Variants in CUBN observed in about 807,000 individuals in gnomAD.
CUBN encodes the protein 460 kDa receptor.
Under a neutral mutation model 405.3 loss-of-function variants are expected in CUBN, and 282 were observed. The ratio of observed to expected loss-of-function variants is 0.70; its 90% CI spans 0.63 to 0.77. CUBN has a LOEUF of 0.77. Ranked by LOEUF, CUBN falls within the 30% of genes least tolerant of loss-of-function variation. The probability of loss-of-function intolerance (pLI) is 0.00; values close to 1 mark genes in which losing one functional copy is unlikely to be tolerated. For missense variants in CUBN, 4,514 were observed against 4,475.2 expected, an observed-to-expected ratio of 1.01 and a Z score of -0.25; for synonymous variants, 1,684 against 1,617.0, an observed-to-expected ratio of 1.04 and a Z score of -0.99.
At position 17,052,477 on chromosome 10, in the gene CUBN, C is replaced by T. The variant is rs139794792; in HGVS notation, c.3140-4874G>A. On this transcript the variant is annotated intron_variant, in intron 22 of 66. Coordinates refer to ENST00000377833, the MANE Select transcript of CUBN (RefSeq NM_001081.4). ...AATTTATAATATAGAGAGAAGTAGG[C>T]TGGGTGCGGTGGCTCATGCCTGCAA... is the stretch of plus-strand genomic sequence containing the variant. 1.1e-4 allele frequency among the ~76,000 whole-genome samples: 16 copies of T among 151,162 alleles called. No homozygotes were observed. The East Asian group carries it at 1.4e-3, about 13-fold the overall frequency.
rs181938537 is a variant in CUBN, at chr10:17,079,441, G to A, written c.2301+4830C>T. 2.0e-3 allele frequency among the ~76,000 whole-genome samples: 299 copies of A among 151,592 alleles called. 5 individuals carry two copies. Among genetic ancestry groups the A allele is most frequent in the African/African-American group, 6.8e-3 (282 of 41,354 alleles). On this transcript the variant is annotated intron_variant, in intron 17 of 66. Coordinates refer to ENST00000377833, the MANE Select transcript of CUBN (RefSeq NM_001081.4). Reference sequence around the variant, plus strand: ...TAGTAGAGATGGGGTTTCACACCACGTTGGCCAGGCTGGTCTCAAACTCCT... The same window carrying A: ...TAGTAGAGATGGGGTTTCACACCACATTGGCCAGGCTGGTCTCAAACTCCT...
chr10:17,088,359 GA>G lies in CUBN; in HGVS notation c.1766-15del. The stretch of plus-strand genomic sequence containing the variant: ...TACCTCCACACTCTAAAATAAGAGG[GA>G]AAAATAATGTTACATTTGTATAGAT... On this transcript the variant is annotated splice_polypyrimidine_tract_variant and intron_variant, in intron 14 of 66. Coordinates refer to ENST00000377833, the MANE Select transcript of CUBN (RefSeq NM_001081.4). 6.3e-7 allele frequency: 1 copy of G among 1,594,858 alleles called. No homozygotes were observed.
chr10:16,932,177 A>C (rs528996119), intron 40 of CUBN, among the ~76,000 whole-genome samples: 4 of 152,218 alleles, frequency 2.6e-5, no homozygotes, highest in Non-Finnish European at 5.9e-5. Context: ...CAGAAGGGAC[A>C]TAAAGCACCT....
chr10:16,985,231 C>T (rs765419745), intron 29 of CUBN, among the ~76,000 whole-genome samples: 9 of 152,184 alleles, frequency 5.9e-5, no homozygotes, highest in African/African-American at 9.7e-5. Context: ...CCAGGCTCCA[C>T]GAGCAGATGG....
chr10:16,962,202 A>C (rs1238662580), intron 31 of CUBN, among the ~76,000 whole-genome samples: 1 of 152,196 alleles, frequency 6.6e-6, no homozygotes, highest in East Asian at 1.9e-4. Flanking sequence ...CACAAGAATA[A>C]GTTAAAAGAT....
At position 16,954,423 on chromosome 10, in the gene CUBN, T is replaced by A. The variant is rs762702117; in HGVS notation, c.4821A>T (p.Arg1607Ser). ...ATTGAGCTCGGAAGCCTCTGTTCTG[T>A]CTGGAAGGGCCAGACTGAAATCTCA... ...LFLRFQSGPS[R>S]QNRGFRAQFR... The change falls in exon 32 of 67, where the codon AGA becomes AGT. Residue 1607 changes from arginine to serine, a missense_variant. By Grantham distance (110) the Arg-to-Ser change is moderately radical. Transcript: ENST00000377833. The A allele has an allele frequency of 5.0e-6, 8 of 1,614,038 alleles. No homozygotes were observed. The highest frequency in any genetic ancestry group is 4.0e-5 in the African/African-American group (3 of 74,898).
intron 27 of CUBN, among the ~76,000 whole-genome samples, chr10:17,039,617 T>C (rs1233773469): frequency 6.6e-6 from 1 of 152,184 alleles, no homozygotes; most frequent in Non-Finnish European, 1.5e-5. Context: ...TGGATGCCTA[T>C]TCTAGTAGTA....
chr10:17,025,713 C>T (rs1185640248), intron 27 of CUBN, among the ~76,000 whole-genome samples: 1 of 152,144 alleles, frequency 6.6e-6, no homozygotes, highest in East Asian at 1.9e-4. Flanking sequence ...CAGAAATCGT[C>T]ACTGGTAGGG....
chr10:17,072,137 A>T (rs1835754420), intron 17 of CUBN, among the ~76,000 whole-genome samples, 166 bp from the exon 18 acceptor site: 1 of 152,226 alleles, frequency 6.6e-6, no homozygotes, highest in Non-Finnish European at 1.5e-5. Flanking sequence ...TTTTAAGCAC[A>T]ATGCAATAAC....
chr10:16,838,645 T>TTTG (rs1002033021), intron 62 of CUBN, among the ~76,000 whole-genome samples: 3 of 152,102 alleles, frequency 2.0e-5, no homozygotes, highest in Admixed American at 6.6e-5. Flanking sequence ...CAAAATGGAT[T>TTTG]TTGTTGTTGT....
At chr10:16,841,874 C>T (rs1038214948) in intron 60 of CUBN, among the ~76,000 whole-genome samples, 2 of 139,388 alleles carry the variant, frequency 1.4e-5, no homozygotes, top group South Asian at 2.3e-4. Context: ...GATGGTGCCA[C>T]TACACTCCAG....
chr10:16,833,056 G>T (rs973270710), intron 64 of CUBN, among the ~76,000 whole-genome samples: 1 of 152,104 alleles, frequency 6.6e-6, no homozygotes, highest in South Asian at 2.1e-4. Context: ...CACTCTCCAC[G>T]GCTGGAAAGC....
At chr10:17,122,587 T>C in intron 6 of CUBN, 1 of 618,980 alleles carries the variant, frequency 1.6e-6, no homozygotes, top group South Asian at 1.5e-5. Context: ...CAAGGATTTC[T>C]TCACGGGGTG....
intron 43 of CUBN, 40 bp from the exon 44 acceptor site, chr10:16,920,177 A>G (rs750796524): frequency 2.5e-6 from 4 of 1,600,682 alleles, no homozygotes; most frequent in Non-Finnish European, 3.4e-6. Context: ...TGATCTGGTG[A>G]AGGGGATGCA....
At chr10:16,895,788 G>T (rs73592376) in intron 54 of CUBN, among the ~76,000 whole-genome samples, 27,609 of 152,016 alleles carry the variant, frequency 0.18, 3,773 homozygotes, top group African/African-American at 0.39. Context: ...TGGTTGAATT[G>T]GAAATCAGTT....
At chr10:16,973,940 C>T (rs1018478602) in intron 31 of CUBN, among the ~76,000 whole-genome samples, 3 of 152,082 alleles carry the variant, frequency 2.0e-5, no homozygotes, top group South Asian at 2.1e-4. Context: ...TGGACAGTGC[C>T]GCGATGAACA....
At chr10:17,106,728 G>A (rs1326850951) in intron 10 of CUBN, among the ~76,000 whole-genome samples, 1 of 152,092 alleles carries the variant, frequency 6.6e-6, no homozygotes, top group African/African-American at 2.4e-5. Context: ...AGCCCAGAGA[G>A]CAAGCACTCC....
intron 6 of CUBN, among the ~76,000 whole-genome samples, chr10:17,116,416 T>A (rs983007995): frequency 6.6e-6 from 1 of 152,170 alleles, no homozygotes; most frequent in African/African-American, 2.4e-5. Flanking sequence ...TATCCCCACA[T>A]GCCAGGGCAC....
chr10:17,082,893 G>A (rs972837999), intron 17 of CUBN, among the ~76,000 whole-genome samples: 6 of 152,138 alleles, frequency 3.9e-5, no homozygotes, highest in Non-Finnish European at 7.3e-5. Context: ...AGGATTCAAT[G>A]AAATAACTCA....
Sources: gnomAD v4.1 joint callset for allele counts (sites outside exome capture counted in the v4.1 genomes callset) on GRCh38, gnomAD v4.1.1 for gene constraint, MANE v1.5 for transcripts, NCBI Gene and HGNC (gene_info 2026-07-23, HGNC 2026-07-21) for gene names.